The following SAMD4A variants were observed in gnomAD, a reference collection of about 807,000 sequenced individuals.
The protein encoded by SAMD4A is sterile alpha motif domain containing 4A.
SAMD4A carries 33 observed loss-of-function variants against 81.3 expected under a neutral mutation model. That is an observed-to-expected ratio of 0.41 (90% CI 0.31 to 0.54). SAMD4A has a LOEUF of 0.54. SAMD4A is among the 20% of genes least tolerant of loss of function. SAMD4A has a pLI of 0.37. For missense variants in SAMD4A, 854 were observed against 951.1 expected (o/e 0.90, Z 1.34); for synonymous variants, 389 against 382.1 (o/e 1.02, Z -0.21).
At chr14:54,734,334 G>T (rs2037635825) in intron 3 of SAMD4A, among the ~76,000 whole-genome samples, 1 of 152,218 alleles carries the variant, frequency 6.6e-6, no homozygotes, top group Non-Finnish European at 1.5e-5. Context: ...ACTGTGCTTG[G>T]TTGCCACAGC....
intron 2 of SAMD4A, chr14:54,688,184 T>C: frequency 1.0e-6 from 1 of 985,480 alleles, no homozygotes; most frequent in South Asian, 4.7e-5. Flanking sequence ...CAAAATATTA[T>C]GGTCCTCTAA....
rs770298903 is a variant in SAMD4A at position 54,775,043 on chromosome 14, G to A, written c.1825G>A (p.Ala609Thr). The A allele has an allele frequency of 1.4e-5, 23 of 1,614,022 alleles. No individual in the cohort carries two copies. The highest frequency in any genetic ancestry group is 2.2e-5 in the South Asian group (2 of 91,080). ...GATCCCCTCTCGGAACGTCCCTTCCGCCCGCCTGGGCCTCTTGGGCACCAG... is the reference window on the plus strand; with the variant it reads ...GATCCCCTCTCGGAACGTCCCTTCCACCCGCCTGGGCCTCTTGGGCACCAG... Reference protein sequence around the residue: ...YQIPSRNVPSARLGLLGTSGF... With the variant: ...YQIPSRNVPSTRLGLLGTSGF... The change falls in exon 10 of 13, where the codon GCC (alanine) becomes ACC (threonine). Residue 609 changes from alanine (A) to threonine (T), a missense_variant. Coordinates refer to ENST00000554335, the MANE Select transcript of SAMD4A (RefSeq NM_015589.6).
At chr14:54,713,993 C>T (rs1423379245) in intron 3 of SAMD4A, among the ~76,000 whole-genome samples, 1 of 152,086 alleles carries the variant, frequency 6.6e-6, no homozygotes, top group Non-Finnish European at 1.5e-5. Flanking sequence ...TGACTTGATC[C>T]AGATAGGTAG....
chr14:54,582,990 C>T lies in SAMD4A; in HGVS notation c.196+14878C>T, dbSNP rs973335087. Among the ~76,000 whole-genome samples the T allele has an allele frequency of 4.6e-5, 7 of 152,106 alleles. No homozygotes were observed. The East Asian group carries it at 1.4e-3, about 29-fold the overall frequency. On this transcript the variant is annotated intron_variant, in intron 2 of 12. Coordinates refer to ENST00000554335, the MANE Select transcript of SAMD4A (RefSeq NM_015589.6). The stretch of plus-strand genomic sequence containing the variant: ...GACAGAGTCTCTCTTTGTCACCAGG[C>T]TGGAGTGCAGTGGCGCAATCTCGGC...
chr14:54,652,469 G>A (rs887490428), intron 2 of SAMD4A, among the ~76,000 whole-genome samples: 5 of 152,276 alleles, frequency 3.3e-5, no homozygotes, highest in Non-Finnish European at 5.9e-5. Flanking sequence ...GGACTGGGGC[G>A]GGGAGCTGCT....
At chr14:54,635,743 A>G (rs982917082) in intron 2 of SAMD4A, among the ~76,000 whole-genome samples, 6 of 148,992 alleles carry the variant, frequency 4.0e-5, no homozygotes, top group African/African-American at 1.5e-4. Context: ...CTCCATCTCA[A>G]AAAAAAAAAA....
intron 2 of SAMD4A, among the ~76,000 whole-genome samples, chr14:54,670,509 C>T (rs776239278): frequency 4.6e-5 from 7 of 152,180 alleles, no homozygotes; most frequent in Non-Finnish European, 8.8e-5. Flanking sequence ...TGGGTTCAAG[C>T]CTCAGCATTA....
intron 2 of SAMD4A, chr14:54,668,773 C>T (rs1197800303): frequency 1.3e-5 from 2 of 152,216 alleles, no homozygotes; most frequent in African/African-American, 2.4e-5. Flanking sequence ...ATACTATTCT[C>T]ATCATCTCTA....
Position 54,792,843 on chromosome 14 carries a change from G to A in SAMD4A, c.*3899G>A, listed in dbSNP as rs1039316891. Reference sequence around the variant, plus strand: ...AGAAAACAGGAATGTTAATAATGTCGAACAGAAAACTTCCTCCCTTATTAA... The same window carrying A: ...AGAAAACAGGAATGTTAATAATGTCAAACAGAAAACTTCCTCCCTTATTAA... On this transcript the variant is annotated 3_prime_UTR_variant, in exon 13 of 13. Transcript: ENST00000554335. 10 of 152,074 alleles carry A rather than the reference G, an allele frequency of 6.6e-5. No individual in the cohort carries two copies. Among genetic ancestry groups the A allele is most frequent in the East Asian group, 1.9e-4 (1 of 5,184 alleles). The allele number at this position is 152,074 out of a possible 1,614,324, so 9.4% of individuals were successfully genotyped here.
At position 54,567,988 on chromosome 14, in the gene SAMD4A, T is replaced by TG; in HGVS notation, c.73dup (p.Ala25GlyfsTer45). On this transcript the variant is annotated frameshift_variant, in exon 2 of 13. Transcript: ENST00000554335. LOFTEE classifies it high-confidence loss of function. ...GCTGGAACGAGTGCGAGCAGACTGT[T>TG]GCGCTGCTGTCGCTGCTCAAGCGCG... 1 of 1,609,934 alleles carries TG rather than the reference T, an allele frequency of 6.2e-7. No individual in the cohort carries two copies.
At chr14:54,667,734 A>G (rs1260478891) in intron 2 of SAMD4A, among the ~76,000 whole-genome samples, 2 of 152,190 alleles carry the variant, frequency 1.3e-5, no homozygotes, top group East Asian at 1.9e-4. Context: ...TAATTTTTCA[A>G]TCACAGCTTA....
Position 54,789,174 on chromosome 14 carries a change from GT to G in SAMD4A, c.*231del. On this transcript the variant is annotated 3_prime_UTR_variant, in exon 13 of 13. Transcript: ENST00000554335. Reference sequence around the variant, plus strand: ...TTTCTGTCATGGGATGGTTTGGTGTGTGGGGTGGGGAGGGGTCTCTAGGGAA... The same window carrying G: ...TTTCTGTCATGGGATGGTTTGGTGTGGGGGTGGGGAGGGGTCTCTAGGGAA... 1.8e-6 allele frequency: 1 copy of G among 562,484 alleles called. No individual in the cohort carries two copies. Among genetic ancestry groups the G allele is most frequent in the Non-Finnish European group, 3.2e-6 (1 of 311,708 alleles). The allele number at this position is 562,484 out of a possible 1,614,324, so 34.8% of individuals were successfully genotyped here.
intron 3 of SAMD4A, among the ~76,000 whole-genome samples, chr14:54,727,166 CTTTTTTTTTTTTTTTTTTTT>C (rs567831973): frequency 5.4e-4 from 32 of 59,178 alleles, no homozygotes; most frequent in South Asian, 5.1e-3. Flanking sequence ...TCTTTTTTTC[CTTTTTTTTTTTTTTTTTTTT>C]TTTTTTTTTT....
At chr14:54,683,035 G>A (rs368262812) in intron 2 of SAMD4A, among the ~76,000 whole-genome samples, 3 of 152,272 alleles carry the variant, frequency 2.0e-5, no homozygotes, top group Admixed American at 2.0e-4. Flanking sequence ...GTGCCCCAAG[G>A]GTACCCTGCC....
chr14:54,637,114 C>T (rs550443747), intron 2 of SAMD4A, among the ~76,000 whole-genome samples: 5 of 152,000 alleles, frequency 3.3e-5, no homozygotes, highest in African/African-American at 9.6e-5. Flanking sequence ...CCTGTAATCC[C>T]AGCACTTTGG....
chr14:54,594,504 T>G (rs2140196031), intron 2 of SAMD4A, among the ~76,000 whole-genome samples: 1 of 152,226 alleles, frequency 6.6e-6, no homozygotes, highest in South Asian at 2.1e-4. Context: ...ACAGACCACA[T>G]GCAGTTTCTC....
intron 2 of SAMD4A, among the ~76,000 whole-genome samples, chr14:54,614,954 G>C (rs1223395754): frequency 6.6e-6 from 1 of 152,158 alleles, no homozygotes; most frequent in East Asian, 1.9e-4. Flanking sequence ...CATTCTTACT[G>C]CACCATCTTT....
chr14:54,665,708 T>G (rs185116279), intron 2 of SAMD4A, among the ~76,000 whole-genome samples: 1 of 152,192 alleles, frequency 6.6e-6, no homozygotes. Context: ...TAATTCCTGA[T>G]TGATAGTCAT....
chr14:54,569,878 T>C (rs1284646929), intron 2 of SAMD4A, among the ~76,000 whole-genome samples: 1 of 152,144 alleles, frequency 6.6e-6, no homozygotes, highest in Middle Eastern at 3.2e-3. Context: ...CTTTTCCCAA[T>C]AGAGCAGCCA....
Sources: allele counts gnomAD v4.1 joint callset (sites outside exome capture counted in the v4.1 genomes callset), GRCh38; gene constraint gnomAD v4.1.1; transcripts MANE v1.5; gene names NCBI Gene and HGNC (gene_info 2026-07-23, HGNC 2026-07-21).